The following TPST1 variants were observed in gnomAD, a reference collection of about 807,000 sequenced individuals.
TPST1 encodes protein-tyrosine sulfotransferase 1.
In TPST1, 20 loss-of-function variants were observed where a neutral mutation model predicts 34.8. The ratio of observed to expected loss-of-function variants is 0.57; its 90% confidence interval spans 0.40 to 0.84. The LOEUF is 0.84. Among genes scored for constraint, TPST1 ranks in the 40% least tolerant of loss-of-function variants. The pLI is 0.00. For missense variants in TPST1, 353 were observed against 455.5 expected (o/e 0.78, Z 2.05); for synonymous variants, 152 against 159.4 (o/e 0.95, Z 0.35).
intron 3 of TPST1, among the ~76,000 whole-genome samples, chr7:66,330,754 A>G (rs1791981017): frequency 6.6e-6 from 1 of 152,214 alleles, no homozygotes; most frequent in South Asian, 2.1e-4. Context: ...TTAAAGTATT[A>G]GAACTGGGCC....
intron 3 of TPST1, among the ~76,000 whole-genome samples, chr7:66,303,986 A>G (rs1021497418): frequency 6.6e-6 from 1 of 152,162 alleles, no homozygotes; most frequent in Non-Finnish European, 1.5e-5. Context: ...GCAAAGCCCC[A>G]GAGGTTGTGG....
chr7:66,209,670 C>T (rs972162427), intron 1 of TPST1, among the ~76,000 whole-genome samples: 8 of 152,180 alleles, frequency 5.3e-5, no homozygotes, highest in African/African-American at 1.9e-4. Context: ...CCACATCTGC[C>T]TGCAATCCAT....
At chr7:66,303,265 GAA>G (rs140405921) in intron 3 of TPST1, among the ~76,000 whole-genome samples, 1 of 146,958 alleles carries the variant, frequency 6.8e-6, no homozygotes. Flanking sequence ...TTTCTGGTCT[GAA>G]AAAAAAAAGA....
chr7:66,345,489 C>CAAAAAAAA (rs58837242), intron 3 of TPST1, among the ~76,000 whole-genome samples: 12 of 64,836 alleles, frequency 1.9e-4, no homozygotes, highest in Admixed American at 2.1e-4. Context: ...ACTCCATCTC[C>CAAAAAAAA]AAAAAAAAAA....
chr7:66,240,413 T>TAAC lies in TPST1; in HGVS notation c.-12_-10dup. 6.2e-7 allele frequency: 1 copy of TAAC among 1,609,586 alleles called. No homozygotes were observed. The highest frequency in any genetic ancestry group is 8.5e-7 in the Non-Finnish European group (1 of 1,177,194). ...GCAAAATATCTGTTTAATAACAAGATAACCACATCAAGATGGTTGGAAAGC... is the reference window on the plus strand; with the variant it reads ...GCAAAATATCTGTTTAATAACAAGATAACAACCACATCAAGATGGTTGGAAAGC... On this transcript the variant is annotated 5_prime_UTR_variant, in exon 2 of 6. Coordinates refer to ENST00000304842, the MANE Select transcript of TPST1 (RefSeq NM_003596.4).
intron 3 of TPST1, among the ~76,000 whole-genome samples, chr7:66,339,819 T>C (rs1444463548): frequency 8.1e-6 from 1 of 122,704 alleles, no homozygotes; most frequent in Non-Finnish European, 1.6e-5. Flanking sequence ...AACCAGCACA[T>C]GTACCCCTCA....
intron 3 of TPST1, among the ~76,000 whole-genome samples, 159 bp from the exon 4 acceptor site, chr7:66,352,346 G>C (rs709595): frequency 0.41 from 61,688 of 152,066 alleles, 12,866 homozygotes; most frequent in East Asian, 0.63. Context: ...TTCCCTCAGT[G>C]CTGCCCACTG....
chr7:66,282,984 C>T (rs981406532), intron 2 of TPST1, among the ~76,000 whole-genome samples: 40 of 152,254 alleles, frequency 2.6e-4, no homozygotes, highest in African/African-American at 8.9e-4. Context: ...AACCATACCA[C>T]GTGGCTGGGC....
intron 2 of TPST1, among the ~76,000 whole-genome samples, chr7:66,270,080 A>G (rs2115792813): frequency 6.6e-6 from 1 of 152,300 alleles, no homozygotes; most frequent in Non-Finnish European, 1.5e-5. Flanking sequence ...GTGATATCTG[A>G]GCAAAGTCTC....
chr7:66,341,531 G>A (rs187908538), intron 3 of TPST1, among the ~76,000 whole-genome samples: 4 of 152,118 alleles, frequency 2.6e-5, no homozygotes, highest in Non-Finnish European at 4.4e-5. Flanking sequence ...CACCTGCCTC[G>A]GCCTCCCAAA....
intron 2 of TPST1, among the ~76,000 whole-genome samples, chr7:66,272,346 A>G (rs1790719972): frequency 6.6e-6 from 1 of 152,210 alleles, no homozygotes; most frequent in South Asian, 2.1e-4. Flanking sequence ...GATATACCAC[A>G]TTTACAGAAT....
intron 2 of TPST1, among the ~76,000 whole-genome samples, chr7:66,278,865 A>G (rs1459943090): frequency 1.3e-5 from 2 of 152,284 alleles, no homozygotes; most frequent in Non-Finnish European, 2.9e-5. Flanking sequence ...AATAAAAATC[A>G]TGCTGCATTG....
chr7:66,338,445 C>T (rs952471902), intron 3 of TPST1, among the ~76,000 whole-genome samples: 5 of 152,076 alleles, frequency 3.3e-5, no homozygotes, highest in African/African-American at 7.2e-5. Flanking sequence ...AACAAAGAAA[C>T]GTAGACATTA....
rs1306137110 is a variant in TPST1 at position 66,289,029 on chromosome 7, C to A, written c.1044+2320C>A. Among the ~76,000 whole-genome samples, 4 of 12,832 alleles carry A rather than the reference C, an allele frequency of 3.1e-4. 1 individual carries two copies. Among genetic ancestry groups the A allele is most frequent in the South Asian group, 4.5e-3 (2 of 440 alleles). 8.4% of individuals were successfully genotyped at this position (12,832 alleles called of 152,430 possible). ...GCTCTTATTATTTTGAGATACGTCC[C>A]ATCAATACCTAATTTATTGAGAGTT... On this transcript the variant is annotated intron_variant, in intron 3 of 5. Transcript: ENST00000304842.
chr7:66,353,524 T>G (rs555693109), intron 4 of TPST1, among the ~76,000 whole-genome samples: 2 of 152,342 alleles, frequency 1.3e-5, no homozygotes, highest in African/African-American at 4.8e-5. Context: ...CTTCTCTCAC[T>G]GACTTGCATT....
At chr7:66,328,900 A>C (rs868251504) in intron 3 of TPST1, among the ~76,000 whole-genome samples, 3 of 45,126 alleles carry the variant, frequency 6.6e-5, no homozygotes, top group Non-Finnish European at 1.1e-4. Flanking sequence ...ATATATATAT[A>C]TATATATTTT....
intron 2 of TPST1, among the ~76,000 whole-genome samples, chr7:66,260,334 CTG>C: frequency 6.6e-6 from 1 of 152,224 alleles, no homozygotes; most frequent in East Asian, 1.9e-4. Context: ...GAAACAAAGT[CTG>C]TGTTAAGTAT....
intron 2 of TPST1, among the ~76,000 whole-genome samples, chr7:66,266,524 A>G (rs1790595423): frequency 6.6e-6 from 1 of 152,266 alleles, no homozygotes; most frequent in Non-Finnish European, 1.5e-5. Context: ...ACATATATTC[A>G]CAACATAAAG....
chr7:66,356,194 G>A (rs998491356), intron 4 of TPST1, among the ~76,000 whole-genome samples: 11 of 152,096 alleles, frequency 7.2e-5, no homozygotes, highest in Non-Finnish European at 1.0e-4. Flanking sequence ...CATAAAACTC[G>A]GTAAAGTGTA....
Sources: allele counts gnomAD v4.1 joint callset (sites outside exome capture counted in the v4.1 genomes callset), GRCh38; gene constraint gnomAD v4.1.1; transcripts MANE v1.5; gene names NCBI Gene and HGNC (gene_info 2026-07-23, HGNC 2026-07-21).